The following ZNF521 variants were observed in gnomAD, a reference collection of about 807,000 sequenced individuals.
ZNF521 encodes the protein zinc finger protein 521.
In ZNF521, 14 loss-of-function variants were observed where a neutral mutation model predicts 105.5. The observed-to-expected ratio is 0.13, with a 90% CI of 0.09 to 0.21. The LOEUF (loss-of-function observed/expected upper bound fraction) is 0.21, where lower values mean the gene tolerates loss of function less well. Among genes scored for constraint, ZNF521 ranks in the 10% least tolerant of loss-of-function variants. ZNF521 has a pLI of 1.00. For missense variants in ZNF521, 1,233 were observed against 1,629.7 expected (o/e 0.76, Z 4.19); for synonymous variants, 635 against 606.0 (o/e 1.05, Z -0.70).
rs545695746 is a variant in ZNF521 at position 25,167,812 on chromosome 18, A to G, written c.3658+27348T>C. ...GGAGAGAAAGCAAGAAATTCCCACAAATCACAGATTGCAGTGCTGTTCCGC... is the reference window on the plus strand; with the variant it reads ...GGAGAGAAAGCAAGAAATTCCCACAGATCACAGATTGCAGTGCTGTTCCGC... On this transcript the variant is annotated intron_variant, in intron 5 of 7. Coordinates refer to ENST00000361524, the MANE Select transcript of ZNF521 (RefSeq NM_015461.3). Among the ~76,000 whole-genome samples the G allele has an allele frequency of 1.1e-4, 17 of 152,318 alleles. No homozygotes were observed. The South Asian group carries it at 3.5e-3, about 32-fold the overall frequency.
At chr18:25,180,049 G>T (rs1371450219) in intron 5 of ZNF521, among the ~76,000 whole-genome samples, 2 of 152,174 alleles carry the variant, frequency 1.3e-5, no homozygotes, top group Admixed American at 6.5e-5. Flanking sequence ...TCAAGGTACA[G>T]ATTATGTAAA....
At chr18:25,292,988 C>T (rs1478610678) in intron 3 of ZNF521, among the ~76,000 whole-genome samples, 1 of 152,142 alleles carries the variant, frequency 6.6e-6, no homozygotes, top group Non-Finnish European at 1.5e-5. Context: ...AGTTTGAATC[C>T]ACTGTATATA....
chr18:25,123,429 AT>A (rs1238168843), intron 5 of ZNF521, among the ~76,000 whole-genome samples: 1 of 152,228 alleles, frequency 6.6e-6, no homozygotes, highest in Non-Finnish European at 1.5e-5. Context: ...ATTCCGTGAA[AT>A]AAGATTAATG....
At chr18:25,068,916 C>T (rs1277188165) in intron 7 of ZNF521, among the ~76,000 whole-genome samples, 1 of 152,194 alleles carries the variant, frequency 6.6e-6, no homozygotes, top group Non-Finnish European at 1.5e-5. Flanking sequence ...AGGCTCCTAA[C>T]AGCTATTAGA....
intron 4 of ZNF521, among the ~76,000 whole-genome samples, chr18:25,208,328 T>C (rs2036118384): frequency 6.6e-6 from 1 of 152,318 alleles, no homozygotes; most frequent in East Asian, 1.9e-4. Flanking sequence ...CAATTAATTG[T>C]TGAATAAATG....
chr18:25,261,000 A>C (rs1406680008), intron 3 of ZNF521, among the ~76,000 whole-genome samples: 1 of 152,190 alleles, frequency 6.6e-6, no homozygotes, highest in East Asian at 1.9e-4. Context: ...GATACTTCAT[A>C]AAGCAAGCTC....
At chr18:25,199,511 T>C (rs1042837870) in intron 4 of ZNF521, among the ~76,000 whole-genome samples, 1 of 151,980 alleles carries the variant, frequency 6.6e-6, no homozygotes, top group Non-Finnish European at 1.5e-5. Flanking sequence ...TGGGGTCATG[T>C]GGGTAAACAT....
At chr18:25,333,299 A>ACT (rs150034581) in intron 2 of ZNF521, among the ~76,000 whole-genome samples, 15,319 of 142,618 alleles carry the variant, frequency 0.11, 1,289 homozygotes, top group East Asian at 0.35. Context: ...ATAAGGACAC[A>ACT]CTCTCTCTCT....
chr18:25,107,376 T>A (rs2034095293), intron 5 of ZNF521, among the ~76,000 whole-genome samples: 2 of 152,184 alleles, frequency 1.3e-5, no homozygotes, highest in Non-Finnish European at 2.9e-5. Flanking sequence ...AGGATACAGA[T>A]CTTACTCTGT....
At chr18:25,098,136 T>C (rs2033890627) in intron 5 of ZNF521, among the ~76,000 whole-genome samples, 1 of 152,148 alleles carries the variant, frequency 6.6e-6, no homozygotes, top group Non-Finnish European at 1.5e-5. Flanking sequence ...GAAGTACTTA[T>C]TAGAATATTC....
chr18:25,302,548 T>C (rs1019816257), intron 3 of ZNF521: 1 of 152,178 alleles, frequency 6.6e-6, no homozygotes, highest in African/African-American at 2.4e-5. Flanking sequence ...ACACAGAAGT[T>C]TCATGTGCTA....
chr18:25,275,950 G>T (rs1440462008), intron 3 of ZNF521, among the ~76,000 whole-genome samples: 2 of 152,162 alleles, frequency 1.3e-5, no homozygotes, highest in Non-Finnish European at 2.9e-5. Flanking sequence ...AGCTGCTATT[G>T]ATGGCGGAGG....
At chr18:25,098,904 T>C (rs2033908236) in intron 5 of ZNF521, among the ~76,000 whole-genome samples, 1 of 152,202 alleles carries the variant, frequency 6.6e-6, no homozygotes, top group African/African-American at 2.4e-5. Flanking sequence ...AAAACATTTG[T>C]TTCCATTTCA....
intron 3 of ZNF521, among the ~76,000 whole-genome samples, chr18:25,233,768 G>C (rs116883857): frequency 0.019 from 2,832 of 151,634 alleles, 60 homozygotes; most frequent in East Asian, 0.077. Flanking sequence ...GAGATAAGGA[G>C]TTGTTATCAC....
chr18:25,086,038 A>G lies in ZNF521; in HGVS notation c.3906+3427T>C, dbSNP rs188655789. ...ACATTTAGTTTTATAGTCTCTTGTG[A>G]AAAGTCCTTATTTCTGAACTTTGGT... On this transcript the variant is annotated intron_variant, in intron 7 of 7. Transcript: ENST00000361524. 1.1e-3 allele frequency among the ~76,000 whole-genome samples: 162 copies of G among 152,194 alleles called. 1 individual carries two copies. Among genetic ancestry groups the G allele is most frequent in the African/African-American group, 3.8e-3 (156 of 41,548 alleles).
chr18:25,266,044 G>A (rs566350818), intron 3 of ZNF521, among the ~76,000 whole-genome samples: 1 of 152,296 alleles, frequency 6.6e-6, no homozygotes, highest in South Asian at 2.1e-4. Context: ...GCTGGGAAAA[G>A]TAGTAGGGGT....
rs146552134 is a variant in ZNF521 at position 25,082,600 on chromosome 18, C to T, written c.3906+6865G>A. 3,507 of 438,342 alleles carry T rather than the reference C, an allele frequency of 8.0e-3. 105 individuals carry two copies. Among genetic ancestry groups the T allele is most frequent in the African/African-American group, 0.063 (3,120 of 49,204 alleles). The allele number at this position is 438,342 out of a possible 1,614,324, so 27.2% of individuals were successfully genotyped here. A position where few individuals can be genotyped will look rare whatever the true frequency, so the allele number is the denominator to read the frequency against. ...CCTGTAATCCTAGCACTTTGGGAGG[C>T]CAAGGCGGGTGGATTGCCTGAGCTC... On this transcript the variant is annotated intron_variant, in intron 7 of 7. Coordinates refer to ENST00000361524, the MANE Select transcript of ZNF521 (RefSeq NM_015461.3).
Position 25,107,605 on chromosome 18 carries a change from G to A in ZNF521, c.3659-15524C>T, listed in dbSNP as rs189928993. Among the ~76,000 whole-genome samples the A allele has an allele frequency of 5.9e-3, 899 of 152,296 alleles. 3 individuals carry two copies. The highest frequency in any genetic ancestry group is 9.2e-3 in the Non-Finnish European group (626 of 68,020). On this transcript the variant is annotated intron_variant, in intron 5 of 7. Transcript: ENST00000361524. ...CTGGGTATACATGGAAGGCAGCTATGTGTACCACTAAACTGTGAATGCACA... is the reference window on the plus strand; with the variant it reads ...CTGGGTATACATGGAAGGCAGCTATATGTACCACTAAACTGTGAATGCACA...
chr18:25,211,668 T>G (rs2036181622), intron 4 of ZNF521, among the ~76,000 whole-genome samples: 1 of 152,208 alleles, frequency 6.6e-6, no homozygotes, highest in Non-Finnish European at 1.5e-5. Context: ...AAATTTGTTT[T>G]ATAAACCTGT....
Sources: allele counts gnomAD v4.1 joint callset (sites outside exome capture counted in the v4.1 genomes callset), GRCh38; gene constraint gnomAD v4.1.1; transcripts MANE v1.5; gene names NCBI Gene and HGNC (gene_info 2026-07-23, HGNC 2026-07-21).